ADAMTS20: variants seen among roughly 807,000 people sequenced by gnomAD.
ADAMTS20 encodes the protein A disintegrin and metalloproteinase with thrombospondin motifs 20.
ADAMTS20 carries 225 observed loss-of-function variants against 260.1 expected under a neutral mutation model. That is an observed-to-expected ratio of 0.87 (90% CI 0.78 to 0.97). ADAMTS20 has a LOEUF of 0.97. Among genes scored for constraint, ADAMTS20 ranks in the 50% least tolerant of loss-of-function variants. The pLI, the probability that ADAMTS20 is intolerant of heterozygous loss-of-function variation, is 0.00. For synonymous variants in ADAMTS20, 802 were observed against 769.5 expected (o/e 1.04, Z -0.70); for missense variants, 2,400 against 2,337.7 (o/e 1.03, Z -0.55).
In ADAMTS20 at chr12:43,361,427, C is replaced by A. The variant is rs376386290; in HGVS notation, c.5539-4839G>T. Among the ~76,000 whole-genome samples, 4 of 152,326 alleles carry A rather than the reference C, an allele frequency of 2.6e-5. No individual in the cohort carries two copies. The East Asian group carries it at 7.7e-4, about 29-fold the overall frequency. ...CTCCTTTTGACAGCATGTGTCTATGCCCAATAACAACCAATTTTGGAAATG... is the reference window on the plus strand; with the variant it reads ...CTCCTTTTGACAGCATGTGTCTATGACCAATAACAACCAATTTTGGAAATG... On this transcript the variant is annotated intron_variant, in intron 37 of 38. Coordinates refer to ENST00000389420, the MANE Select transcript of ADAMTS20 (RefSeq NM_025003.5).
intron 28 of ADAMTS20, 29 bp downstream of exon 28, chr12:43,425,485 C>T: frequency 1.4e-6 from 2 of 1,439,154 alleles, no homozygotes; most frequent in Admixed American, 2.4e-5. Context: ...TAAAGTATGA[C>T]ATGTTAACAG....
At chr12:43,500,350 A>G (rs1449424665) in intron 4 of ADAMTS20, among the ~76,000 whole-genome samples, 1 of 152,122 alleles carries the variant, frequency 6.6e-6, no homozygotes, top group Non-Finnish European at 1.5e-5. Flanking sequence ...AATGAATGTC[A>G]TCTCCTTTAA....
In ADAMTS20 at chr12:43,416,524, C is replaced by CT. The variant is rs59341765; in HGVS notation, c.4284+8989dup. 7.5e-3 allele frequency among the ~76,000 whole-genome samples: 982 copies of CT among 130,678 alleles called. 30 individuals carry two copies. Among genetic ancestry groups the CT allele is most frequent in the Middle Eastern group, 0.02 (5 of 252 alleles). 85.7% of individuals were successfully genotyped at this position (130,678 alleles called of 152,430 possible). On this transcript the variant is annotated intron_variant, in intron 28 of 38. Transcript: ENST00000389420. ...GTCATTACAAACAAGTCAAACTGAC[C>CT]TTTTTTTTTTTTTTTTTGAGACGGA...
chr12:43,543,889 T>C (rs1040289776), intron 2 of ADAMTS20, among the ~76,000 whole-genome samples: 2 of 152,226 alleles, frequency 1.3e-5, no homozygotes, highest in Non-Finnish European at 2.9e-5. Flanking sequence ...CCAGTATACC[T>C]TCTCCATGCT....
intron 37 of ADAMTS20, among the ~76,000 whole-genome samples, chr12:43,365,265 T>G (rs746812545): frequency 2.0e-5 from 3 of 152,080 alleles, no homozygotes; most frequent in Non-Finnish European, 4.4e-5. Context: ...AGGAAGTTCT[T>G]CAGGCTGAAA....
At chr12:43,423,857 A>C in intron 28 of ADAMTS20, 1 of 722,480 alleles carries the variant, frequency 1.4e-6, no homozygotes, top group Non-Finnish European at 2.5e-6. Flanking sequence ...TCCATGGCAA[A>C]ATATGTTTTT....
At chr12:43,436,774 T>G (rs576283516) in intron 18 of ADAMTS20, among the ~76,000 whole-genome samples, 4 of 152,256 alleles carry the variant, frequency 2.6e-5, no homozygotes, top group Middle Eastern at 3.4e-3. Flanking sequence ...CATTCAGCGC[T>G]CAATCTCCTG....
downstream of ADAMTS20, among the ~76,000 whole-genome samples, chr12:43,353,233 C>T (rs984254722): frequency 6.6e-6 from 1 of 151,920 alleles, no homozygotes; most frequent in Non-Finnish European, 1.5e-5. Context: ...CCCTTATGTT[C>T]TGGCTTTGAG....
At position 43,462,950 on chromosome 12, in the gene ADAMTS20, C is replaced by G. The variant is rs1942090072; in HGVS notation, c.1559G>C (p.Gly520Ala). The part of the protein sequence containing the change: ...WCTSTEKLHK[G>A]CFTQHVPPAD... ...TGGTGGCACGTGTTGAGTGAAACAG[C>G]CTTTGTGAAGCTTTTCTGTGCTTGT... The change falls in exon 11 of 39, where the codon GGC becomes GCC. Residue 520 changes from glycine to alanine, a missense_variant. Coordinates refer to ENST00000389420, the MANE Select transcript of ADAMTS20 (RefSeq NM_025003.5). 1.2e-6 allele frequency: 2 copies of G among 1,609,720 alleles called. No homozygotes were observed. The highest frequency in any genetic ancestry group is 1.1e-5 in the South Asian group (1 of 89,818).
rs1943522730 is a variant in ADAMTS20, at chr12:43,551,834, G to A, written c.88C>T (p.Gln30Ter). 6.2e-7 allele frequency: 1 copy of A among 1,613,550 alleles called. No homozygotes were observed. The highest frequency in any genetic ancestry group is 1.3e-5 in the African/African-American group (1 of 75,058). The change falls in exon 1 of 39, where the codon CAA (glutamine) becomes TAA (stop). Residue 30 changes from glutamine (Q) to a stop codon, truncating the protein, a stop_gained. Transcript: ENST00000389420. LOFTEE classifies it high-confidence loss of function. The surrounding 1 kb of genome is among the most constrained non-coding windows in gnomAD (Gnocchi z 4.6). The part of the protein sequence containing the change: ...RSWEVDFHPR[Q>*]EALVRTLTSY... ...AGGCGTCTCGCGGTGACTTTACCTT[G>A]CCTGGGGTGGAAGTCAACTTCCCAA...
In ADAMTS20 at chr12:43,464,702, T is replaced by G; in HGVS notation, c.1398A>C (p.Lys466Asn). Residue 466 changes from lysine (K) to asparagine (N), a missense_variant, in exon 10 of 39, where the codon AAA (lysine) becomes AAC (asparagine). Physicochemically the swap from Lys to Asn is moderately conservative, Grantham distance 94 (BLOSUM62 0). Transcript: ENST00000389420. ...GCAGATTATATATTTCTTCATCTGG[T>G]TTGTCAAGAAGACATTCCCCGTAAC... ...DTGYGECLLD[K>N]PDEEIYNLPS... The G allele has an allele frequency of 1.2e-6, 2 of 1,613,212 alleles. No individual in the cohort carries two copies. The highest frequency in any genetic ancestry group is 1.7e-6 in the Non-Finnish European group (2 of 1,179,390).
At chr12:43,530,608 A>G (rs1943207603) in intron 3 of ADAMTS20, among the ~76,000 whole-genome samples, 1 of 152,140 alleles carries the variant, frequency 6.6e-6, no homozygotes, top group Non-Finnish European at 1.5e-5. Flanking sequence ...GTTTACGGAC[A>G]CCTACGATCT....
intron 3 of ADAMTS20, among the ~76,000 whole-genome samples, chr12:43,504,059 C>T (rs1242696236): frequency 3.9e-5 from 6 of 151,988 alleles, no homozygotes; most frequent in African/African-American, 1.4e-4. Flanking sequence ...AATTTATATT[C>T]CTTTGGGTAT....
chr12:43,477,034 T>G (rs1942367538), intron 7 of ADAMTS20, among the ~76,000 whole-genome samples: 2 of 144,404 alleles, frequency 1.4e-5, no homozygotes, highest in African/African-American at 2.6e-5. Flanking sequence ...CAAGATGATT[T>G]AAATAAAAGA....
At position 43,486,611 on chromosome 12, in the gene ADAMTS20, C is replaced by G. The variant is rs916333700; in HGVS notation, c.1117+3784G>C. 1.5e-4 allele frequency among the ~76,000 whole-genome samples: 23 copies of G among 152,026 alleles called. 1 individual carries two copies. The highest frequency in any genetic ancestry group is 7.4e-5 in the Non-Finnish European group (5 of 68,000). On this transcript the variant is annotated intron_variant, in intron 7 of 38. Coordinates refer to ENST00000389420, the MANE Select transcript of ADAMTS20 (RefSeq NM_025003.5). Reference sequence around the variant, plus strand: ...ATTAAATTCAAAAGCTTCTGCACAGCAAAAGAAATAATCATCAGAGTAAAA... The same window carrying G: ...ATTAAATTCAAAAGCTTCTGCACAGGAAAAGAAATAATCATCAGAGTAAAA...
chr12:43,428,700 G>C lies in ADAMTS20; in HGVS notation c.3589C>G (p.Arg1197Gly), dbSNP rs567438645. 1.9e-6 allele frequency: 3 copies of C among 1,612,184 alleles called. No homozygotes were observed. The highest frequency in any genetic ancestry group is 2.5e-6 in the Non-Finnish European group (3 of 1,178,806). The part of the protein sequence containing the change: ...ADESYCAHLP[R>G]PAEIWDCFTP... ...AAACAGTCCCATATTTCAGCAGGTC[G>C]GGGTAAGTGGGCACAATATGATTCA... The change falls in exon 25 of 39, where the codon CGA becomes GGA. Residue 1197 changes from arginine (R) to glycine (G), a missense_variant. Arg to Gly is a moderately radical substitution (Grantham distance 125, BLOSUM62 -2). Transcript: ENST00000389420.
intron 31 of ADAMTS20, among the ~76,000 whole-genome samples, chr12:43,378,110 T>A (rs894560464): frequency 6.6e-6 from 1 of 152,178 alleles, no homozygotes; most frequent in Non-Finnish European, 1.5e-5. Flanking sequence ...AGGAATAGAT[T>A]TACCTTCTAA....
chr12:43,367,317 AGCAATATATG>A (rs1348023378), intron 37 of ADAMTS20, among the ~76,000 whole-genome samples: 20 of 152,206 alleles, frequency 1.3e-4, no homozygotes, highest in African/African-American at 4.8e-4. Flanking sequence ...AACCAAATTT[AGCAATATATG>A]AAAATAATTA....
At chr12:43,515,916 CA>C (rs1341795530) in intron 3 of ADAMTS20, among the ~76,000 whole-genome samples, 1 of 152,052 alleles carries the variant, frequency 6.6e-6, no homozygotes, top group Non-Finnish European at 1.5e-5. Flanking sequence ...CACCATTTTT[CA>C]AATGAATGTT....
Sources: allele counts gnomAD v4.1 joint callset (sites outside exome capture counted in the v4.1 genomes callset), GRCh38; gene constraint gnomAD v4.1.1; non-coding constraint Gnocchi (gnomAD v3.1); transcripts MANE v1.5; gene names NCBI Gene and HGNC (gene_info 2026-07-23, HGNC 2026-07-21).